KIAA1549: variants seen among roughly 807,000 people sequenced by gnomAD.
The protein encoded by KIAA1549 is UPF0606 protein KIAA1549.
Under a neutral mutation model 156.4 loss-of-function variants are expected in KIAA1549, and 70 were observed. The ratio of observed to expected loss-of-function variants is 0.45; its 90% CI spans 0.37 to 0.55. KIAA1549 has a LOEUF of 0.55. Ranked by LOEUF, KIAA1549 falls within the 20% of genes least tolerant of loss-of-function variation. The pLI, the probability that KIAA1549 is intolerant of heterozygous loss-of-function variation, is 0.00. For synonymous variants in KIAA1549, 1,103 were observed against 1,066.4 expected, an observed-to-expected ratio of 1.03 and a Z score of -0.67; for missense variants, 2,428 against 2,540.9, an observed-to-expected ratio of 0.96 and a Z score of 0.96.
chr7:138,977,979 C>T (rs1239411753), intron 1 of KIAA1549, among the ~76,000 whole-genome samples: 5 of 152,210 alleles, frequency 3.3e-5, no homozygotes, highest in Non-Finnish European at 7.3e-5. Flanking sequence ...GGATTACAGG[C>T]GTGAGCCAGC....
chr7:138,912,216 A>T (rs1383925048), intron 3 of KIAA1549, among the ~76,000 whole-genome samples, 156 bp downstream of exon 3: 2 of 152,196 alleles, frequency 1.3e-5, no homozygotes, highest in Non-Finnish European at 2.9e-5. Flanking sequence ...GGTGGAATGG[A>T]GATCCAGAGG....
At chr7:138,967,476 C>T (rs1814064868) in intron 1 of KIAA1549, among the ~76,000 whole-genome samples, 1 of 152,084 alleles carries the variant, frequency 6.6e-6, no homozygotes, top group Non-Finnish European at 1.5e-5. Context: ...GCAATGAATG[C>T]ATATCGTTTT....
At chr7:138,842,124 CCT>C (rs1809939445) in intron 18 of KIAA1549, among the ~76,000 whole-genome samples, 1 of 152,178 alleles carries the variant, frequency 6.6e-6, no homozygotes, top group Admixed American at 6.5e-5. Flanking sequence ...CGCGGTGTTC[CCT>C]GTTTCCAAAG....
At position 138,861,433 on chromosome 7, in the gene KIAA1549, A is replaced by T. The variant is rs764288647; in HGVS notation, c.4953T>A (p.Asp1651Glu). 6.2e-7 allele frequency: 1 copy of T among 1,611,546 alleles called. No individual in the cohort carries two copies. Among genetic ancestry groups the T allele is most frequent in the Non-Finnish European group, 8.5e-7 (1 of 1,178,882 alleles). ...GCPSDPDLPA[D>E]VQTPSSVELG... ...GTTCCACCGAGGATGGTGTCTGCAC[A>T]TCGGCTGGGAGGTCAGGATCCGACT... Residue 1651 changes from aspartate (D) to glutamate (E), a missense_variant, in exon 16 of 20, where the codon GAT becomes GAA. By Grantham distance (45) the Asp-to-Glu change is conservative (BLOSUM62 2). Around this residue, in one of 5 missense-constraint regions of KIAA1549, gnomAD observed 404 missense variants for 417.0 expected, o/e 0.97. Transcript: ENST00000422774.
chr7:138,942,064 C>A (rs1409482357), intron 1 of KIAA1549, among the ~76,000 whole-genome samples: 1 of 152,162 alleles, frequency 6.6e-6, no homozygotes, highest in African/African-American at 2.4e-5. Context: ...TTATCCTTCT[C>A]ACGTCATTGG....
At chr7:138,869,156 G>GACA (rs1810844839) in intron 14 of KIAA1549, among the ~76,000 whole-genome samples, 1 of 152,182 alleles carries the variant, frequency 6.6e-6, no homozygotes, top group Non-Finnish European at 1.5e-5. Flanking sequence ...GTGACAGAGT[G>GACA]GGAGGTGAGG....
intron 1 of KIAA1549, among the ~76,000 whole-genome samples, chr7:138,959,524 T>G (rs1227070681): frequency 6.6e-6 from 1 of 152,196 alleles, no homozygotes; most frequent in East Asian, 1.9e-4. Context: ...TAACGCGCAT[T>G]TTACGAATGG....
chr7:138,920,976 G>A (rs1409004869), intron 1 of KIAA1549, among the ~76,000 whole-genome samples: 1 of 152,180 alleles, frequency 6.6e-6, no homozygotes, highest in Non-Finnish European at 1.5e-5. Context: ...AGACAGTAAG[G>A]GGAACGTGCT....
rs1307195045 is a variant in KIAA1549, at chr7:138,940,020, A to AT, written c.188-20583dup. On this transcript the variant is annotated intron_variant, in intron 1 of 19. Coordinates refer to ENST00000422774, the MANE Select transcript of KIAA1549 (RefSeq NM_001164665.2). ...TTTTTTTAATTTTAATTTAAAAATA[A>AT]TTTTTTTATTATACTTTAAGTTTTA... Among the ~76,000 whole-genome samples, 4 of 152,126 alleles carry AT rather than the reference A, an allele frequency of 2.6e-5. No homozygotes were observed. In the South Asian group the frequency reaches 8.3e-4, roughly 32 times the overall value.
At chr7:138,958,355 G>C (rs989658135) in intron 1 of KIAA1549, among the ~76,000 whole-genome samples, 7 of 152,228 alleles carry the variant, frequency 4.6e-5, no homozygotes, top group African/African-American at 1.7e-4. Context: ...CAAGCCCCAG[G>C]CTCTCTCCCC....
rs76062798 is a variant in KIAA1549 at position 138,889,360 on chromosome 7, G to C, written c.4032+4982C>G. Among the ~76,000 whole-genome samples, 557 of 152,304 alleles carry C rather than the reference G, an allele frequency of 3.7e-3. 3 individuals carry two copies. Among genetic ancestry groups the C allele is most frequent in the African/African-American group, 0.013 (544 of 41,574 alleles). ...AGGAAAGAAACATGACAGTATTCAT[G>C]AAAATGCTTCATAAATGCCAAAGTA... is the stretch of plus-strand genomic sequence containing the variant. On this transcript the variant is annotated intron_variant, in intron 10 of 19. Transcript: ENST00000422774.
Position 138,969,027 on chromosome 7 carries a change from C to A in KIAA1549, c.187+12056G>T, listed in dbSNP as rs79247158. On this transcript the variant is annotated intron_variant, in intron 1 of 19. Coordinates refer to ENST00000422774, the MANE Select transcript of KIAA1549 (RefSeq NM_001164665.2). Reference sequence around the variant, plus strand: ...TCTGTTGTACATATTATTTCATCACCCAGGTATTAAGCCCAGTACCCAATA... The same window carrying A: ...TCTGTTGTACATATTATTTCATCACACAGGTATTAAGCCCAGTACCCAATA... Among the ~76,000 whole-genome samples the A allele has an allele frequency of 9.7e-3, 1,479 of 151,942 alleles. 15 individuals carry two copies. Among genetic ancestry groups the A allele is most frequent in the African/African-American group, 0.034 (1,412 of 41,398 alleles).
At chr7:138,924,177 CTTTTCT>C (rs1223027681) in intron 1 of KIAA1549, among the ~76,000 whole-genome samples, 12 of 136,452 alleles carry the variant, frequency 8.8e-5, no homozygotes, top group African/African-American at 2.2e-4. Flanking sequence ...CTGTTCTTTT[CTTTTCT>C]TTTTTTTTTT....
intron 15 of KIAA1549, among the ~76,000 whole-genome samples, chr7:138,866,671 T>A (rs569456744): frequency 2.0e-5 from 3 of 152,236 alleles, no homozygotes; most frequent in Admixed American, 2.0e-4. Context: ...GTATTTCTCA[T>A]GGGTTAAGTG....
Position 138,844,412 on chromosome 7 carries a change from G to A in KIAA1549, c.5357C>T (p.Pro1786Leu), listed in dbSNP as rs768529264. The A allele has an allele frequency of 2.5e-6, 4 of 1,600,356 alleles. No individual in the cohort carries two copies. The highest frequency in any genetic ancestry group is 1.7e-6 in the Non-Finnish European group (2 of 1,173,138). Residue 1786 changes from proline to leucine, a missense_variant, in exon 18 of 20, where the codon CCA becomes CTA. By Grantham distance (98) the Pro-to-Leu change is moderately conservative. Coordinates refer to ENST00000422774, the MANE Select transcript of KIAA1549 (RefSeq NM_001164665.2). Reference sequence around the variant, plus strand: ...AAATGGGGCTTCGGCGGAGGCCTGTGGCTGCTGAGGGTCAGGGGGCACCAG... The same window carrying A: ...AAATGGGGCTTCGGCGGAGGCCTGTAGCTGCTGAGGGTCAGGGGGCACCAG... Reference protein sequence around the residue: ...TELVPPDPQQPQASAEAPFAA... With the variant: ...TELVPPDPQQLQASAEAPFAA...
intron 1 of KIAA1549, among the ~76,000 whole-genome samples, chr7:138,949,646 C>T (rs1470425355): frequency 6.6e-6 from 1 of 151,626 alleles, no homozygotes; most frequent in Non-Finnish European, 1.5e-5. Flanking sequence ...TCCAATCTGG[C>T]TCAAGCTTAA....
At chr7:138,909,249 G>T in intron 4 of KIAA1549, 128 bp from the exon 5 acceptor site, 1 of 908,838 alleles carries the variant, frequency 1.1e-6, no homozygotes, top group South Asian at 1.8e-5. Context: ...TAAGTACTGT[G>T]ATGTAACATT....
chr7:138,960,033 G>A (rs1021166427), intron 1 of KIAA1549, among the ~76,000 whole-genome samples: 2 of 152,170 alleles, frequency 1.3e-5, no homozygotes, highest in Admixed American at 6.5e-5. Context: ...TAGAGTGACA[G>A]CCCAACTCCA....
At chr7:138,913,261 G>A (rs1342215164) in intron 2 of KIAA1549, among the ~76,000 whole-genome samples, 1 of 152,174 alleles carries the variant, frequency 6.6e-6, no homozygotes, top group Admixed American at 6.5e-5. Context: ...CTACCCCAAT[G>A]TTTCAAGGCA....
Sources: gnomAD v4.1 joint callset for allele counts (sites outside exome capture counted in the v4.1 genomes callset) on GRCh38, gnomAD v4.1.1 for gene constraint, gnomAD v4.1.1 regional missense constraint, MANE v1.5 for transcripts, NCBI Gene and HGNC (gene_info 2026-07-23, HGNC 2026-07-21) for gene names.